AAK1: variants seen among roughly 807,000 people sequenced by gnomAD.
AAK1 encodes AP2 associated kinase 1, also known as AP2-associated protein kinase 1.
Under a neutral mutation model 116.0 loss-of-function variants are expected in AAK1, and 37 were observed. The ratio of observed to expected loss-of-function variants is 0.32; its 90% confidence interval spans 0.25 to 0.42. The LOEUF is 0.42. Ranked by LOEUF, AAK1 falls within the 10% of genes least tolerant of loss-of-function variation. The probability of loss-of-function intolerance (pLI) is 1.00; values close to 1 mark genes in which losing one functional copy is unlikely to be tolerated. For missense variants in AAK1, 919 were observed against 1,170.6 expected, an observed-to-expected ratio of 0.79 and a Z score of 3.14; for synonymous variants, 458 against 439.9, an observed-to-expected ratio of 1.04 and a Z score of -0.51.
Position 69,465,372 on chromosome 2 carries a change from G to T in AAK1, c.*10497C>A. The T allele has an allele frequency of 8.3e-7, 1 of 1,208,866 alleles. No homozygotes were observed. The highest frequency in any genetic ancestry group is 1.1e-6 in the Non-Finnish European group (1 of 946,116). 74.9% of individuals were successfully genotyped at this position (1,208,866 alleles called of 1,614,324 possible). Reference sequence around the variant, plus strand: ...AGAAGGCTAAGCTGGGAGTGCCATGGCGGGTATTGAGGGTGGGATAGAGAC... The same window carrying T: ...AGAAGGCTAAGCTGGGAGTGCCATGTCGGGTATTGAGGGTGGGATAGAGAC... On this transcript the variant is annotated 3_prime_UTR_variant, in exon 22 of 22. Transcript: ENST00000409085.
intron 8 of AAK1, among the ~76,000 whole-genome samples, chr2:69,528,960 TA>T (rs10714369): frequency 0.26 from 40,165 of 152,068 alleles, 6,482 homozygotes; most frequent in East Asian, 0.51. Flanking sequence ...CAACAATTAT[TA>T]AATGTCATAA....
intron 3 of AAK1, among the ~76,000 whole-genome samples, chr2:69,545,846 T>C (rs1262168110): frequency 6.6e-6 from 1 of 152,206 alleles, no homozygotes; most frequent in East Asian, 1.9e-4. Context: ...GAAACTGGAC[T>C]TGCAATGAAT....
intron 8 of AAK1, among the ~76,000 whole-genome samples, chr2:69,529,358 T>C (rs1411118430): frequency 6.6e-6 from 1 of 152,220 alleles, no homozygotes; most frequent in African/African-American, 2.4e-5. Context: ...AAATCTCTGC[T>C]TCTTTAGCAT....
chr2:69,510,816 G>A (rs2002879), intron 13 of AAK1, among the ~76,000 whole-genome samples: 49,803 of 151,944 alleles, frequency 0.33, 9,578 homozygotes, highest in East Asian at 0.52. Context: ...TCTTCAGTTT[G>A]GACATAATAT....
chr2:69,458,311 C>T lies in AAK1; in HGVS notation c.*17558G>A, dbSNP rs1046429989. 5.6e-5 allele frequency: 8 copies of T among 142,300 alleles called. No individual in the cohort carries two copies. Among genetic ancestry groups the T allele is most frequent in the Admixed American group, 3.4e-4 (5 of 14,870 alleles). The allele number at this position is 142,300 out of a possible 1,614,324, so 8.8% of individuals were successfully genotyped here. A position where few individuals can be genotyped will look rare whatever the true frequency, so the allele number is the denominator to read the frequency against. ...TCAGCAGAGGGAGTTCACCTCTTCT[C>T]CACGGAATGAGCGTGGTCCTTGTCC... On this transcript the variant is annotated 3_prime_UTR_variant, in exon 22 of 22. Coordinates refer to ENST00000409085, the MANE Select transcript of AAK1 (RefSeq NM_014911.5).
intron 2 of AAK1, among the ~76,000 whole-genome samples, chr2:69,605,376 T>C (rs1673755408): frequency 6.6e-6 from 1 of 152,210 alleles, no homozygotes; most frequent in South Asian, 2.1e-4. Flanking sequence ...CATGGTAAAC[T>C]AGTGGAAACC....
Position 69,466,021 on chromosome 2 carries a change from G to T in AAK1, c.*9848C>A. 7.7e-7 allele frequency: 1 copy of T among 1,290,926 alleles called. No homozygotes were observed. Among genetic ancestry groups the T allele is most frequent in the Non-Finnish European group, 1.0e-6 (1 of 988,880 alleles). The allele number at this position is 1,290,926 out of a possible 1,614,324, so 80.0% of individuals were successfully genotyped here. On this transcript the variant is annotated 3_prime_UTR_variant, in exon 22 of 22. Coordinates refer to ENST00000409085, the MANE Select transcript of AAK1 (RefSeq NM_014911.5). Reference sequence around the variant, plus strand: ...AAAAACACGTCTGACTCCTCTGGCTGGGAAGGAGCCATACTGCTCTTGGAG... The same window carrying T: ...AAAAACACGTCTGACTCCTCTGGCTTGGAAGGAGCCATACTGCTCTTGGAG...
chr2:69,480,296 G>A (rs1675037321), intron 19 of AAK1, among the ~76,000 whole-genome samples: 1 of 150,874 alleles, frequency 6.6e-6, no homozygotes. Context: ...TACCAAATCT[G>A]TATTTGTGGG....
At chr2:69,562,776 G>A (rs1048158044) in intron 2 of AAK1, among the ~76,000 whole-genome samples, 16 of 152,178 alleles carry the variant, frequency 1.1e-4, no homozygotes. Context: ...TGTAGTCCCA[G>A]CTACTCGGAA....
At chr2:69,635,996 T>C (rs1675428560) in intron 2 of AAK1, among the ~76,000 whole-genome samples, 1 of 152,214 alleles carries the variant, frequency 6.6e-6, no homozygotes, top group Non-Finnish European at 1.5e-5. Flanking sequence ...CTTGTTAATA[T>C]ATAACATATG....
rs944565436 is a variant in AAK1, at chr2:69,462,958, A to G, written c.*12911T>C. The G allele has an allele frequency of 2.6e-5, 4 of 152,232 alleles. No homozygotes were observed. The highest frequency in any genetic ancestry group is 5.9e-5 in the Non-Finnish European group (4 of 68,036). 9.4% of individuals were successfully genotyped at this position (152,232 alleles called of 1,614,324 possible). On this transcript the variant is annotated 3_prime_UTR_variant, in exon 22 of 22. Transcript: ENST00000409085. ...GACATAGGTTTCTGGCACAGTTGAA[A>G]CCTTAGTTGGAAAACCAAACCTTGG...
At chr2:69,643,507 G>C (rs983227482) in intron 1 of AAK1, 68 bp downstream of exon 1, 28 of 1,222,598 alleles carry the variant, frequency 2.3e-5, no homozygotes, top group Non-Finnish European at 2.9e-5. Flanking sequence ...CGACCCTCCC[G>C]GGCACTGCCT....
intron 8 of AAK1, 72 bp downstream of exon 8, chr2:69,529,936 A>G: frequency 1.5e-6 from 2 of 1,310,412 alleles, no homozygotes; most frequent in Non-Finnish European, 2.0e-6. Flanking sequence ...CTGGAATCTA[A>G]TCCCTTTATC....
At chr2:69,516,371 T>G (rs904563320) in intron 12 of AAK1, among the ~76,000 whole-genome samples, 1 of 148,908 alleles carries the variant, frequency 6.7e-6, no homozygotes, top group African/African-American at 2.5e-5. Context: ...TAATTACAAA[T>G]CCAAATTAGG....
intron 12 of AAK1, among the ~76,000 whole-genome samples, chr2:69,517,855 T>C (rs1676648420): frequency 6.6e-6 from 1 of 150,830 alleles, no homozygotes; most frequent in African/African-American, 2.4e-5. Context: ...AGCAGCCGCA[T>C]AGGCTAATGT....
In AAK1 at chr2:69,643,654, G is replaced by T. The variant is rs1238801821; in HGVS notation, c.-314C>A. 7 of 1,226,894 alleles carry T rather than the reference G, an allele frequency of 5.7e-6. No homozygotes were observed. The South Asian group carries it at 2.9e-4, about 51-fold the overall frequency. 76.0% of individuals were successfully genotyped at this position (1,226,894 alleles called of 1,614,324 possible). ...CCGCCGGGCCGGCCTGCGACGCAGA[G>T]AAGAGGCGGCGCTGCAGCGAGAGCC... On this transcript the variant is annotated 5_prime_UTR_variant, in exon 1 of 22. Transcript: ENST00000409085.
At chr2:69,616,636 T>C (rs1027578770) in intron 2 of AAK1, among the ~76,000 whole-genome samples, 3 of 152,068 alleles carry the variant, frequency 2.0e-5, no homozygotes, top group Non-Finnish European at 1.5e-5. Flanking sequence ...CTGACCTCCA[T>C]TCGTTTGATG....
intron 5 of AAK1, among the ~76,000 whole-genome samples, chr2:69,536,763 A>G (rs1394942843): frequency 6.6e-6 from 1 of 152,176 alleles, no homozygotes; most frequent in Non-Finnish European, 1.5e-5. Context: ...TCATCTCAAT[A>G]TTATTCCAAA....
intron 14 of AAK1, 101 bp downstream of exon 14, chr2:69,509,130 A>C (rs1676296531): frequency 2.1e-6 from 2 of 951,536 alleles, no homozygotes; most frequent in Non-Finnish European, 3.3e-6. Context: ...CTGTATTTGC[A>C]TTACACACAT....
Sources: gnomAD v4.1 joint callset for allele counts (sites outside exome capture counted in the v4.1 genomes callset) on GRCh38, gnomAD v4.1.1 for gene constraint, MANE v1.5 for transcripts, NCBI Gene and HGNC (gene_info 2026-07-23, HGNC 2026-07-21) for gene names.